Variants in NUP62CL observed in about 807,000 individuals in gnomAD.
NUP62CL encodes the protein nucleoporin-62 C-terminal-like protein.
In NUP62CL, 13 loss-of-function variants were observed where a neutral mutation model predicts 15.3. The observed-to-expected ratio is 0.85, with a 90% CI of 0.55 to 1.35. The LOEUF (loss-of-function observed/expected upper bound fraction) is 1.35, where lower values mean the gene tolerates loss of function less well. Ranked by LOEUF, NUP62CL falls within the 40% of genes most tolerant of loss-of-function variation. The pLI is 0.00. For synonymous variants in NUP62CL, 54 were observed against 49.2 expected (o/e 1.10, Z -0.41); for missense variants, 123 against 130.6 (o/e 0.94, Z 0.28).
At chrX:107,140,730 A>G (rs1461771620) in intron 8 of NUP62CL, among the ~76,000 whole-genome samples, 1 of 112,335 alleles carries the variant, frequency 8.9e-6, no homozygotes, top group Admixed American at 9.4e-5. Flanking sequence ...TGCTGAGCTA[A>G]TAACTGGCAT....
intron 8 of NUP62CL, chrX:107,131,863 G>T: frequency 9.9e-7 from 1 of 1,014,975 alleles, no homozygotes; most frequent in Non-Finnish European, 1.4e-6. Flanking sequence ...TATATTTGAA[G>T]AAAATGTTGA....
intron 8 of NUP62CL, among the ~76,000 whole-genome samples, chrX:107,133,916 C>T (rs1220932027): frequency 9.0e-6 from 1 of 111,689 alleles, no homozygotes; most frequent in African/African-American, 3.3e-5. Flanking sequence ...CCAACCTGGG[C>T]GACAGAGCGA....
chrX:107,183,775 G>A (rs1926973349), intron 2 of NUP62CL, among the ~76,000 whole-genome samples: 1 of 111,517 alleles, frequency 9.0e-6, no homozygotes, highest in Non-Finnish European at 1.9e-5. Context: ...AGAAAAATCT[G>A]TGGTCCTATC....
intron 8 of NUP62CL, among the ~76,000 whole-genome samples, chrX:107,137,914 C>T (rs1433752501): frequency 2.7e-5 from 3 of 111,559 alleles, no homozygotes; most frequent in Non-Finnish European, 5.7e-5. Context: ...CTACCAGATA[C>T]TAAGGCTTCT....
chrX:107,134,804 G>C (rs1925601605), intron 8 of NUP62CL, among the ~76,000 whole-genome samples: 1 of 111,710 alleles, frequency 9.0e-6, no homozygotes, highest in African/African-American at 3.3e-5. Flanking sequence ...GACTTACCTT[G>C]ATAAAAAGCA....
intron 1 of NUP62CL, among the ~76,000 whole-genome samples, chrX:107,195,945 T>C (rs1024415173): frequency 9.5e-5 from 7 of 73,817 alleles, no homozygotes; most frequent in Non-Finnish European, 1.6e-4. Context: ...GAAAAATTCA[T>C]TGTTGTCAAA....
At chrX:107,200,704 T>A (rs1927463400) in intron 1 of NUP62CL, among the ~76,000 whole-genome samples, 1 of 107,000 alleles carries the variant, frequency 9.3e-6, no homozygotes, top group African/African-American at 3.4e-5. Context: ...TGTGTGGGCA[T>A]GAAGACCTAG....
intron 8 of NUP62CL, among the ~76,000 whole-genome samples, chrX:107,140,061 A>G (rs1449357953): frequency 9.0e-6 from 1 of 111,646 alleles, no homozygotes; most frequent in Middle Eastern, 4.3e-3. Context: ...TGCCACTGAT[A>G]TATTAAGGTG....
intron 1 of NUP62CL, among the ~76,000 whole-genome samples, chrX:107,205,958 G>C (rs1279539305): frequency 9.1e-6 from 1 of 110,452 alleles, no homozygotes; most frequent in African/African-American, 3.3e-5. Flanking sequence ...TTGGGGCCCG[G>C]AAGCCTTGCC....
intron 7 of NUP62CL, 33 bp downstream of exon 7, chrX:107,153,139 G>A: frequency 2.5e-6 from 3 of 1,179,052 alleles, no homozygotes; most frequent in Middle Eastern, 4.8e-4. Context: ...CGTAAGTCCT[G>A]CCCCATTCTT....
chrX:107,160,003 C>A (rs1234523908), intron 4 of NUP62CL, among the ~76,000 whole-genome samples: 2 of 102,565 alleles, frequency 1.9e-5, no homozygotes, highest in African/African-American at 3.6e-5. Context: ...AAACAGAGAG[C>A]CAAATCATGA....
chrX:107,132,162 T>C lies in NUP62CL; in HGVS notation c.*43-7830A>G. The C allele has an allele frequency of 4.4e-6, 5 of 1,148,977 alleles. No homozygotes were observed. The South Asian group carries it at 5.4e-5, about 12-fold the overall frequency. The allele number at this position is 1,148,977 out of a possible 1,213,427, so 94.7% of individuals were successfully genotyped here. A position where few individuals can be genotyped will look rare whatever the true frequency, so the allele number is the denominator to read the frequency against. On this transcript the variant is annotated intron_variant, in intron 8 of 8. Coordinates refer to ENST00000372466, the MANE Select transcript of NUP62CL (RefSeq NM_017681.3). The stretch of plus-strand genomic sequence containing the variant: ...AAATGAACGAGAGTTCAAACCTGAG[T>C]TGTGAACAGGAGAAACCAATGCACT...
chrX:107,191,037 CT>C (rs531150438), intron 2 of NUP62CL, among the ~76,000 whole-genome samples: 2,095 of 97,462 alleles, frequency 0.021, 62 homozygotes, highest in African/African-American at 0.069. Context: ...TGTTGTCCAA[CT>C]TTTTTTTTTT....
chrX:107,185,365 G>A (rs1325494965), intron 2 of NUP62CL, among the ~76,000 whole-genome samples: 1 of 111,441 alleles, frequency 9.0e-6, no homozygotes, highest in East Asian at 2.8e-4. Context: ...TCTTAATTAT[G>A]TTTGAAAGCT....
chrX:107,197,816 T>C (rs140167207), intron 1 of NUP62CL, among the ~76,000 whole-genome samples: 3,483 of 111,647 alleles, frequency 0.031, 150 homozygotes, highest in African/African-American at 0.11. Context: ...ACTGTTCTAG[T>C]CATTTAAATG....
At chrX:107,173,174 T>C (rs947821234) in intron 3 of NUP62CL, among the ~76,000 whole-genome samples, 4 of 112,367 alleles carry the variant, frequency 3.6e-5, no homozygotes, top group Admixed American at 1.9e-4. Context: ...GAAATTTATA[T>C]AGTCTTTTTC....
intron 2 of NUP62CL, among the ~76,000 whole-genome samples, chrX:107,185,543 G>C (rs897774838): frequency 9.0e-6 from 1 of 110,999 alleles, no homozygotes; most frequent in African/African-American, 3.3e-5. Flanking sequence ...TGTGATAAGA[G>C]ATGTATACTG....
intron 4 of NUP62CL, among the ~76,000 whole-genome samples, chrX:107,163,117 C>T (rs1926429158): frequency 1.8e-5 from 2 of 111,647 alleles, no homozygotes; most frequent in Admixed American, 1.9e-4. Context: ...TACTATTCTA[C>T]TTCTCGTTTC....
At chrX:107,162,517 T>C (rs1926413073) in intron 4 of NUP62CL, among the ~76,000 whole-genome samples, 1 of 111,131 alleles carries the variant, frequency 9.0e-6, no homozygotes, top group Admixed American at 9.6e-5. Flanking sequence ...AAAGGGAGTA[T>C]CAGTTTAGAT....
Sources: gnomAD v4.1 joint callset for allele counts (sites outside exome capture counted in the v4.1 genomes callset) on GRCh38, gnomAD v4.1.1 for gene constraint, MANE v1.5 for transcripts, NCBI Gene and HGNC (gene_info 2026-07-23, HGNC 2026-07-21) for gene names.